LY75: variants seen among roughly 807,000 people sequenced by gnomAD.
LY75 encodes the protein C-type lectin domain family 13 member B.
In LY75, 185 loss-of-function variants were observed where a neutral mutation model predicts 231.7. The observed-to-expected ratio is 0.80, with a 90% confidence interval of 0.71 to 0.90. The LOEUF is 0.90. Among genes scored for constraint, LY75 ranks in the 40% least tolerant of loss-of-function variants. The probability of loss-of-function intolerance (pLI) is 0.00; values close to 1 mark genes in which losing one functional copy is unlikely to be tolerated. For synonymous variants in LY75, 668 were observed against 689.0 expected (o/e 0.97, Z 0.48); for missense variants, 1,947 against 2,050.2 (o/e 0.95, Z 0.97).
rs1252518946 is a variant in LY75, at chr2:159,898,678, T to C, written c.466+10A>G. 1.9e-6 allele frequency: 3 copies of C among 1,607,228 alleles called. No individual in the cohort carries two copies. The highest frequency in any genetic ancestry group is 1.7e-5 in the Admixed American group (1 of 59,784). ...CAGCAAATCGGTCAAAGTCCCTCTC[T>C]AATACTCACCATGATAAGGCTGGTC... On this transcript the variant is annotated intron_variant, in intron 2 of 34. Coordinates refer to ENST00000263636, the MANE Select transcript of LY75 (RefSeq NM_002349.4).
intron 23 of LY75, among the ~76,000 whole-genome samples, chr2:159,843,870 G>A (rs1291370182): frequency 1.3e-5 from 2 of 152,126 alleles, no homozygotes; most frequent in Non-Finnish European, 2.9e-5. Context: ...TGATCAGATT[G>A]TTTATACAAC....
At chr2:159,846,277 C>A (rs937948077) in intron 23 of LY75, among the ~76,000 whole-genome samples, 2 of 151,858 alleles carry the variant, frequency 1.3e-5, no homozygotes. Context: ...GTAATCCCAG[C>A]ACTTTGGAAG....
Position 159,904,633 on chromosome 2 carries a change from A to T in LY75, c.50T>A (p.Leu17Gln). ...TPRRPAGLLM[L>Q]LFWFFDLAEP... is the part of the protein sequence containing the mutation. ...CGCGAGATCGAAGAACCAGAAGAGC[A>T]GCATGAGGAGCCCCGCCGGGCGGCG... Residue 17 changes from leucine to glutamine, a missense_variant, in exon 1 of 35, where the codon CTG becomes CAG. Coordinates refer to ENST00000263636, the MANE Select transcript of LY75 (RefSeq NM_002349.4). 1 of 1,501,412 alleles carries T rather than the reference A, an allele frequency of 6.7e-7. No homozygotes were observed. Among genetic ancestry groups the T allele is most frequent in the South Asian group, 1.2e-5 (1 of 80,468 alleles). 93.0% of individuals were successfully genotyped at this position (1,501,412 alleles called of 1,614,324 possible). A position where few individuals can be genotyped will look rare whatever the true frequency, so the allele number is the denominator to read the frequency against.
chr2:159,807,150 G>A lies in LY75; in HGVS notation c.4823-10C>T, dbSNP rs1378293613. On this transcript the variant is annotated splice_polypyrimidine_tract_variant and intron_variant, in intron 33 of 34. Coordinates refer to ENST00000263636, the MANE Select transcript of LY75 (RefSeq NM_002349.4). ...CAACTCCAAGACTGGTCTGAAGAAA[G>A]AAATTAAATACAACTATGTCTACTG... is the stretch of plus-strand genomic sequence containing the variant. 1.9e-6 allele frequency: 3 copies of A among 1,602,984 alleles called. No individual in the cohort carries two copies. Among genetic ancestry groups the A allele is most frequent in the Non-Finnish European group, 2.6e-6 (3 of 1,174,988 alleles).
At chr2:159,858,499 G>T in intron 15 of LY75, 23 bp from the exon 16 acceptor site, 1 of 1,597,744 alleles carries the variant, frequency 6.3e-7, no homozygotes, top group Non-Finnish European at 8.5e-7. Context: ...AAGTATTGCA[G>T]AATATTTTGA....
chr2:159,882,026 G>T, intron 7 of LY75, 98 bp downstream of exon 7: 5 of 1,403,060 alleles, frequency 3.6e-6, no homozygotes, highest in Middle Eastern at 2.4e-4. Context: ...TGATCTGTGG[G>T]ATCAAACTGT....
chr2:159,859,619 A>T (rs1286749378), intron 15 of LY75, among the ~76,000 whole-genome samples: 1 of 152,154 alleles, frequency 6.6e-6, no homozygotes, highest in African/African-American at 2.4e-5. Context: ...TACCCTTTCT[A>T]TTTCTATAAA....
chr2:159,887,435 G>A (rs544465559), intron 4 of LY75, among the ~76,000 whole-genome samples: 7 of 151,816 alleles, frequency 4.6e-5, no homozygotes, highest in African/African-American at 1.7e-4. Context: ...GCGTGTGCCT[G>A]TAATCCCAGC....
intron 29 of LY75, among the ~76,000 whole-genome samples, chr2:159,818,965 T>A (rs1212106917): frequency 6.6e-6 from 1 of 152,148 alleles, no homozygotes; most frequent in African/African-American, 2.4e-5. Context: ...AACAGGGAAC[T>A]GGGAGAAGGC....
chr2:159,848,101 C>T (rs1684267893), intron 23 of LY75, among the ~76,000 whole-genome samples: 1 of 137,350 alleles, frequency 7.3e-6, no homozygotes, highest in Non-Finnish European at 1.5e-5. Context: ...TATACACACA[C>T]ACATACACAC....
At chr2:159,893,874 G>A (rs1685831483) in intron 3 of LY75, 40 bp downstream of exon 3, 4 of 1,565,618 alleles carry the variant, frequency 2.6e-6, no homozygotes. Context: ...TCATATAAAT[G>A]TACTACCTTT....
At position 159,834,106 on chromosome 2, in the gene LY75, A is replaced by G. The variant is rs142807476; in HGVS notation, c.3779T>C (p.Ile1260Thr). The change falls in exon 27 of 35, where the codon ATA (isoleucine) becomes ACA (threonine). Residue 1260 changes from isoleucine (I) to threonine (T), a missense_variant. Transcript: ENST00000263636. ...TGTTGCCATATGCCTATTCTTTGTT[A>G]TTATGAAATTGTAGCAACAGTTCTG... is the stretch of plus-strand genomic sequence containing the variant. ...PFQNCCYNFI[I>T]TKNRHMATTQ... The G allele has an allele frequency of 1.7e-5, 27 of 1,613,960 alleles. No individual in the cohort carries two copies. Among genetic ancestry groups the G allele is most frequent in the African/African-American group, 1.2e-4 (9 of 75,002 alleles).
At chr2:159,883,517 A>C (rs564904160) in intron 6 of LY75, among the ~76,000 whole-genome samples, 3 of 152,352 alleles carry the variant, frequency 2.0e-5, no homozygotes, top group Admixed American at 6.5e-5. Flanking sequence ...CTCAATGAAT[A>C]CATATTTTTA....
At chr2:159,811,505 T>C (rs940671489) in intron 31 of LY75, among the ~76,000 whole-genome samples, 14 of 152,240 alleles carry the variant, frequency 9.2e-5, no homozygotes, top group African/African-American at 3.4e-4. Context: ...CGGTACAGCT[T>C]ATCTGAATCA....
intron 14 of LY75, among the ~76,000 whole-genome samples, chr2:159,864,314 C>T (rs1461233474): frequency 6.6e-6 from 1 of 152,050 alleles, no homozygotes; most frequent in Non-Finnish European, 1.5e-5. Flanking sequence ...AATCCTTGTC[C>T]AGACCAATGT....
chr2:159,814,583 A>C (rs1189452089), intron 31 of LY75, among the ~76,000 whole-genome samples: 6 of 150,660 alleles, frequency 4.0e-5, no homozygotes, highest in African/African-American at 1.5e-4. Flanking sequence ...TGAGCCTAGG[A>C]GGTCAAGGCT....
chr2:159,891,844 G>A (rs543257660), intron 3 of LY75, among the ~76,000 whole-genome samples: 7 of 152,258 alleles, frequency 4.6e-5, no homozygotes, highest in African/African-American at 1.7e-4. Flanking sequence ...GAGAAACAGG[G>A]GTTTACATTG....
chr2:159,862,110 C>T (rs1418912579), intron 14 of LY75, among the ~76,000 whole-genome samples: 1 of 151,856 alleles, frequency 6.6e-6, no homozygotes, highest in Non-Finnish European at 1.5e-5. Context: ...ATCACCCTGG[C>T]CAATATGGTG....
At chr2:159,849,163 C>T (rs139610749) in intron 23 of LY75, among the ~76,000 whole-genome samples, 51 of 152,274 alleles carry the variant, frequency 3.3e-4, no homozygotes, top group Non-Finnish European at 5.7e-4. Context: ...TCCTTTGCTA[C>T]CAACATCAAC....
Sources: gnomAD v4.1 joint callset for allele counts (sites outside exome capture counted in the v4.1 genomes callset) on GRCh38, gnomAD v4.1.1 for gene constraint, MANE v1.5 for transcripts, NCBI Gene and HGNC (gene_info 2026-07-23, HGNC 2026-07-21) for gene names.